The following ASH1L variants were observed in gnomAD, a reference collection of about 807,000 sequenced individuals.
ASH1L encodes the protein histone-lysine N-methyltransferase ASH1L.
ASH1L carries 23 observed loss-of-function variants against 269.0 expected under a neutral mutation model. The ratio of observed to expected loss-of-function variants is 0.09; its 90% CI spans 0.06 to 0.12. The LOEUF (loss-of-function observed/expected upper bound fraction) is 0.12, where lower values mean the gene tolerates loss of function less well. Among genes scored for constraint, ASH1L ranks in the 10% least tolerant of loss-of-function variants. The pLI is 1.00. For synonymous variants in ASH1L, 1,187 were observed against 1,253.5 expected (o/e 0.95, Z 1.12); for missense variants, 2,912 against 3,567.8 (o/e 0.82, Z 4.68).
chr1:155,386,674 G>A (rs1263495853), intron 7 of ASH1L, among the ~76,000 whole-genome samples: 1 of 152,074 alleles, frequency 6.6e-6, no homozygotes, highest in African/African-American at 2.4e-5. Flanking sequence ...GATGACAGGC[G>A]TGAGCCACCA....
chr1:155,551,974 T>A (rs1468165085), intron 1 of ASH1L, among the ~76,000 whole-genome samples: 1 of 151,566 alleles, frequency 6.6e-6, no homozygotes, highest in Admixed American at 6.6e-5. Flanking sequence ...AGACTCCGTG[T>A]CAAAAAAGAA....
chr1:155,521,348 T>A lies in ASH1L; in HGVS notation c.172A>T (p.Ile58Phe). Residue 58 changes from isoleucine (I) to phenylalanine (F), a missense_variant, in exon 2 of 28, where the codon ATC becomes TTC. Physicochemically the swap from Ile to Phe is conservative, Grantham distance 21 (BLOSUM62 0). Transcript: ENST00000392403. ...AAACCATCATCTTTCCCAGCTTCGA[T>A]GTTTCTTTCTCGATTCCGTTTGCGA... ...DLRKRNRERN[I>F]EAGKDDGLTD... 1 of 1,614,190 alleles carries A rather than the reference T, an allele frequency of 6.2e-7. No individual in the cohort carries two copies. The highest frequency in any genetic ancestry group is 2.2e-5 in the East Asian group (1 of 44,884).
chr1:155,340,041 T>A (rs1422677070), intron 25 of ASH1L, among the ~76,000 whole-genome samples: 3 of 151,946 alleles, frequency 2.0e-5, no homozygotes, highest in Admixed American at 6.6e-5. Flanking sequence ...GTCAGTAAGC[T>A]ATTGATTGAG....
chr1:155,552,767 T>C (rs1451484165), intron 1 of ASH1L, among the ~76,000 whole-genome samples: 1 of 152,184 alleles, frequency 6.6e-6, no homozygotes, highest in Non-Finnish European at 1.5e-5. Context: ...AAAATATGTA[T>C]ACAAATAAGG....
rs141593655 is a variant in ASH1L, at chr1:155,396,603, G to T, written c.6009-1050C>A. Among the ~76,000 whole-genome samples the T allele has an allele frequency of 4.6e-5, 7 of 152,060 alleles. No individual in the cohort carries two copies. The East Asian group carries it at 1.4e-3, about 30-fold the overall frequency. On this transcript the variant is annotated intron_variant, in intron 6 of 27. Transcript: ENST00000392403. ...TGGGATTACAGGCGTGAGCAACTGTGCCTGGCCTAAAGTTCCAGTGAATAA... is the reference window on the plus strand; with the variant it reads ...TGGGATTACAGGCGTGAGCAACTGTTCCTGGCCTAAAGTTCCAGTGAATAA...
chr1:155,456,372 C>T (rs1663863589), intron 4 of ASH1L, among the ~76,000 whole-genome samples: 1 of 152,162 alleles, frequency 6.6e-6, no homozygotes, highest in South Asian at 2.1e-4. Flanking sequence ...CTTATTTTCT[C>T]AATCATTTGA....
intron 6 of ASH1L, among the ~76,000 whole-genome samples, chr1:155,410,399 G>T (rs940118662): frequency 2.6e-5 from 4 of 152,084 alleles, no homozygotes; most frequent in Admixed American, 6.6e-5. Context: ...TGCCTCCGGA[G>T]GTCAAAGGAT....
chr1:155,421,230 T>TCAA (rs1232625937), intron 5 of ASH1L, among the ~76,000 whole-genome samples: 35 of 95,686 alleles, frequency 3.7e-4, no homozygotes, highest in Non-Finnish European at 6.2e-4. Context: ...TTCTGTGTCT[T>TCAA]AAAAAAAAAA....
At chr1:155,366,425 G>A (rs919419315) in intron 12 of ASH1L, among the ~76,000 whole-genome samples, 2 of 152,032 alleles carry the variant, frequency 1.3e-5, no homozygotes, top group African/African-American at 4.8e-5. Flanking sequence ...AGCAGCCCTC[G>A]GGGCTGCTCT....
upstream of ASH1L, chr1:155,562,864 CCAACCGCCGCCA>C (rs1312213538): frequency 4.3e-6 from 2 of 469,620 alleles, no homozygotes; most frequent in East Asian, 6.4e-5. Context: ...CCCACGGCCA[CCAACCGCCGCCA>C]CGGCCGCCGC....
At chr1:155,557,324 GCA>G (rs1671665836) in intron 1 of ASH1L, among the ~76,000 whole-genome samples, 2 of 151,676 alleles carry the variant, frequency 1.3e-5, no homozygotes, top group Admixed American at 1.3e-4. Context: ...GTGCAGTGGC[GCA>G]GTCTTGGCTC....
In ASH1L at chr1:155,481,532, A is replaced by G. The variant is rs148607968; in HGVS notation, c.1338T>C (p.Asn446=). Residue 446 remains asparagine (N), a synonymous_variant, in exon 3 of 28, where the codon AAT becomes AAC. Coordinates refer to ENST00000392403, the MANE Select transcript of ASH1L (RefSeq NM_018489.3). Reference sequence around the variant, plus strand: ...ATTCAGAAAGTTCCTGACTTTCCTGATTATTGATGTTTGTACTACAAGAAG... The same window carrying G: ...ATTCAGAAAGTTCCTGACTTTCCTGGTTATTGATGTTTGTACTACAAGAAG... ...LKASCSTNIN[N]QESQELSESL... The G allele has an allele frequency of 1.2e-6, 2 of 1,614,012 alleles. No individual in the cohort carries two copies. Among genetic ancestry groups the G allele is most frequent in the African/African-American group, 2.7e-5 (2 of 74,902 alleles).
At chr1:155,429,841 C>CTGT (rs1661469857) in intron 5 of ASH1L, among the ~76,000 whole-genome samples, 1 of 152,032 alleles carries the variant, frequency 6.6e-6, no homozygotes, top group African/African-American at 2.4e-5. Context: ...GCTTTGTCAC[C>CTGT]CAGGATGGAA....
intron 6 of ASH1L, among the ~76,000 whole-genome samples, chr1:155,399,607 C>G (rs964290780): frequency 6.6e-6 from 1 of 151,970 alleles, no homozygotes; most frequent in Non-Finnish European, 1.5e-5. Flanking sequence ...CCACCGCACT[C>G]CAGTCTGGGT....
At chr1:155,401,477 CAAAAA>C (rs545010671) in intron 6 of ASH1L, among the ~76,000 whole-genome samples, 1 of 65,886 alleles carries the variant, frequency 1.5e-5, no homozygotes, top group Non-Finnish European at 3.0e-5. Flanking sequence ...GACTCCATCT[CAAAAA>C]AAAAAAAAAA....
intron 24 of ASH1L, among the ~76,000 whole-genome samples, chr1:155,342,360 G>T (rs1018295741): frequency 4.6e-5 from 7 of 152,214 alleles, no homozygotes; most frequent in African/African-American, 1.7e-4. Flanking sequence ...GTGCTGCAGG[G>T]ATGTGTGAGG....
Position 155,480,542 on chromosome 1 carries a change from T to A in ASH1L, c.2328A>T (p.Lys776Asn). The A allele has an allele frequency of 6.2e-7, 1 of 1,614,098 alleles. No homozygotes were observed. The highest frequency in any genetic ancestry group is 8.5e-7 in the Non-Finnish European group (1 of 1,179,962). The change falls in exon 3 of 28, where the codon AAA (lysine) becomes AAT (asparagine). Residue 776 changes from lysine to asparagine, a missense_variant. This residue lies in a region of ASH1L where 715 missense variants were observed against 721.0 expected (regional missense o/e 0.99). Transcript: ENST00000392403. The stretch of plus-strand genomic sequence containing the variant: ...ATTTGCTCAACTTTGGCAATCGGCG[T>A]TTAAGGAAGTCATGATCTACAAATG... ...PPSFVDHDFL[K>N]RRLPKLSKST...
chr1:155,535,766 G>A (rs1670010337), intron 1 of ASH1L, among the ~76,000 whole-genome samples: 1 of 152,114 alleles, frequency 6.6e-6, no homozygotes, highest in African/African-American at 2.4e-5. Context: ...GGTTGAGGCA[G>A]GCAGATCACC....
intron 26 of ASH1L, 76 bp downstream of exon 26, chr1:155,339,252 T>C: frequency 7.7e-7 from 1 of 1,295,108 alleles, no homozygotes; most frequent in Non-Finnish European, 1.1e-6. Flanking sequence ...GCTGAGTGGG[T>C]AGTTGTTTGT....
Sources: gnomAD v4.1 joint callset for allele counts (sites outside exome capture counted in the v4.1 genomes callset) on GRCh38, gnomAD v4.1.1 for gene constraint, gnomAD v4.1.1 regional missense constraint, MANE v1.5 for transcripts, NCBI Gene and HGNC (gene_info 2026-07-23, HGNC 2026-07-21) for gene names.